Variants in NRXN3 observed in about 807,000 individuals in gnomAD.
NRXN3 encodes neurexin III.
A neutral mutation model predicts 137.6 loss-of-function variants in NRXN3; 32 were observed. That is an observed-to-expected ratio of 0.23 (90% confidence interval 0.18 to 0.31). The LOEUF (loss-of-function observed/expected upper bound fraction) is 0.31. Ranked by LOEUF, NRXN3 falls within the 10% of genes least tolerant of loss-of-function variation. The pLI is 1.00. For missense variants in NRXN3, 1,574 were observed against 2,062.5 expected (o/e 0.76, Z 4.59); for synonymous variants, 798 against 784.5 (o/e 1.02, Z -0.29).
At position 79,259,076 on chromosome 14, in the gene NRXN3, G is replaced by T. The variant is rs185853811; in HGVS notation, c.3263-208145G>T. The stretch of plus-strand genomic sequence containing the variant: ...GAATCTTCTGCAGGCATCCCAGGTT[G>T]AGACACTTGCAAAAAAAAGATAAGA... On this transcript the variant is annotated intron_variant, in intron 15 of 20. Coordinates refer to ENST00000335750, the MANE Select transcript of NRXN3 (RefSeq NM_001330195.2). Among the ~76,000 whole-genome samples, 21 of 152,128 alleles carry T rather than the reference G, an allele frequency of 1.4e-4. No homozygotes were observed. In the East Asian group the frequency reaches 3.9e-3, roughly 28 times the overall value.
intron 15 of NRXN3, among the ~76,000 whole-genome samples, chr14:79,112,361 AT>A (rs1248381738): frequency 7.2e-5 from 11 of 152,300 alleles, no homozygotes; most frequent in African/African-American, 9.6e-5. Flanking sequence ...AGAAGGATGC[AT>A]TTTGCATTCA....
chr14:78,630,237 A>G (rs974025427), intron 4 of NRXN3, among the ~76,000 whole-genome samples: 1 of 152,248 alleles, frequency 6.6e-6, no homozygotes, highest in Non-Finnish European at 1.5e-5. Context: ...AAACGAAAAG[A>G]ATCTCTGGTT....
intron 15 of NRXN3, among the ~76,000 whole-genome samples, chr14:79,452,032 G>T (rs2096181114): frequency 6.6e-6 from 1 of 152,048 alleles, no homozygotes; most frequent in South Asian, 2.1e-4. Flanking sequence ...AGCAAAAGCT[G>T]AGCCTGAGAT....
At chr14:78,270,539 C>T (rs1272090026) in intron 2 of NRXN3, among the ~76,000 whole-genome samples, 3 of 152,192 alleles carry the variant, frequency 2.0e-5, no homozygotes, top group Admixed American at 2.0e-4. Flanking sequence ...ACCTCATGGC[C>T]TAAAGCTGGG....
chr14:79,147,401 T>G (rs895739868), intron 15 of NRXN3, among the ~76,000 whole-genome samples: 2 of 151,928 alleles, frequency 1.3e-5, no homozygotes, highest in Non-Finnish European at 2.9e-5. Flanking sequence ...CGCAAGGAGG[T>G]GGAAGTAGCG....
At chr14:79,120,508 A>G (rs1324808502) in intron 15 of NRXN3, among the ~76,000 whole-genome samples, 1 of 152,052 alleles carries the variant, frequency 6.6e-6, no homozygotes, top group Non-Finnish European at 1.5e-5. Flanking sequence ...TATACTATAA[A>G]TATCAGTGAA....
At chr14:79,300,221 A>G (rs2084910419) in intron 15 of NRXN3, among the ~76,000 whole-genome samples, 3 of 152,216 alleles carry the variant, frequency 2.0e-5, no homozygotes, top group South Asian at 4.1e-4. Context: ...ACTAAGTGAT[A>G]GAACAAAGAT....
intron 15 of NRXN3, among the ~76,000 whole-genome samples, chr14:79,016,210 A>G (rs1272882932): frequency 6.6e-6 from 1 of 152,100 alleles, no homozygotes; most frequent in Non-Finnish European, 1.5e-5. Flanking sequence ...TGGGACCTCT[A>G]AGTCCACAAG....
intron 4 of NRXN3, among the ~76,000 whole-genome samples, chr14:78,320,258 T>G (rs1436900999): frequency 1.3e-5 from 2 of 152,164 alleles, no homozygotes; most frequent in Non-Finnish European, 2.9e-5. Context: ...TTCACCGGGA[T>G]TTTCGTTGTT....
intron 16 of NRXN3, among the ~76,000 whole-genome samples, chr14:79,638,614 A>AT (rs574288066): frequency 1.1e-4 from 17 of 149,704 alleles, no homozygotes; most frequent in African/African-American, 2.9e-4. Flanking sequence ...ATAAAAACAT[A>AT]TTTTTTTATC....
chr14:79,303,276 C>A (rs1355264646), intron 15 of NRXN3, among the ~76,000 whole-genome samples: 1 of 151,970 alleles, frequency 6.6e-6, no homozygotes, highest in Non-Finnish European at 1.5e-5. Context: ...GGTCAAAATA[C>A]CAGCTACTTG....
chr14:79,166,731 A>G (rs904195598), intron 15 of NRXN3, among the ~76,000 whole-genome samples: 3 of 151,824 alleles, frequency 2.0e-5, no homozygotes, highest in African/African-American at 7.3e-5. Flanking sequence ...TTGAAGCCAG[A>G]TATCCCTGTA....
At chr14:79,485,446 C>A (rs1331527728) in intron 16 of NRXN3, among the ~76,000 whole-genome samples, 1 of 152,116 alleles carries the variant, frequency 6.6e-6, no homozygotes, top group Non-Finnish European at 1.5e-5. Flanking sequence ...ATAATTCTTT[C>A]CCTTCAATTA....
intron 15 of NRXN3, among the ~76,000 whole-genome samples, chr14:79,085,193 T>C (rs1214496335): frequency 6.6e-6 from 1 of 152,200 alleles, no homozygotes; most frequent in Non-Finnish European, 1.5e-5. Context: ...TGTTGGTTTT[T>C]GTTCGAAGTT....
chr14:79,703,960 G>T (rs1350450058), intron 19 of NRXN3, among the ~76,000 whole-genome samples: 2 of 152,066 alleles, frequency 1.3e-5, no homozygotes, highest in Non-Finnish European at 2.9e-5. Context: ...TTCCTGTGGG[G>T]CTGGATAAGC....
intron 15 of NRXN3, among the ~76,000 whole-genome samples, chr14:79,207,865 T>C (rs898079707): frequency 3.3e-5 from 5 of 152,044 alleles, no homozygotes; most frequent in Non-Finnish European, 7.4e-5. Flanking sequence ...TTATGGTATA[T>C]ATATTTTAAA....
intron 8 of NRXN3, among the ~76,000 whole-genome samples, chr14:78,724,931 T>C (rs1400140359): frequency 6.6e-6 from 1 of 152,224 alleles, no homozygotes; most frequent in Non-Finnish European, 1.5e-5. Flanking sequence ...GAGTGGCTCT[T>C]GAAAGACCCC....
intron 6 of NRXN3, among the ~76,000 whole-genome samples, chr14:78,705,616 G>A (rs1345656167): frequency 6.6e-6 from 1 of 152,306 alleles, no homozygotes. Context: ...GTTTAGAATT[G>A]TCTGTGTCCT....
At chr14:78,337,885 G>A (rs2081658101) in intron 4 of NRXN3, among the ~76,000 whole-genome samples, 2 of 152,148 alleles carry the variant, frequency 1.3e-5, no homozygotes, top group South Asian at 2.1e-4. Flanking sequence ...TAGTTGGGTG[G>A]ACTCACAGTC....
Sources: gnomAD v4.1 joint callset for allele counts (sites outside exome capture counted in the v4.1 genomes callset) on GRCh38, gnomAD v4.1.1 for gene constraint, MANE v1.5 for transcripts, NCBI Gene and HGNC (gene_info 2026-07-23, HGNC 2026-07-21) for gene names.